Variants in MYT1L observed in about 807,000 individuals in gnomAD.
MYT1L encodes myelin transcription factor 1-like protein.
A neutral mutation model predicts 126.7 loss-of-function variants in MYT1L; 12 were observed. The ratio of observed to expected loss-of-function variants is 0.09; its 90% CI spans 0.06 to 0.15. The LOEUF (loss-of-function observed/expected upper bound fraction) is 0.15, where lower values mean the gene tolerates loss of function less well. MYT1L is among the 10% of genes least tolerant of loss of function. The pLI is 1.00. For missense variants in MYT1L, 979 were observed against 1,585.2 expected, an observed-to-expected ratio of 0.62 and a Z score of 6.49; for synonymous variants, 541 against 604.2, an observed-to-expected ratio of 0.90 and a Z score of 1.53.
At chr2:2,264,486 T>C (rs2095069413) in intron 2 of MYT1L, among the ~76,000 whole-genome samples, 1 of 151,502 alleles carries the variant, frequency 6.6e-6, no homozygotes, top group South Asian at 2.1e-4. Context: ...AGTTAAAAAA[T>C]AGGTCATAGT....
At chr2:1,818,632 G>A (rs995501008) in intron 21 of MYT1L, among the ~76,000 whole-genome samples, 2 of 152,040 alleles carry the variant, frequency 1.3e-5, no homozygotes, top group East Asian at 1.9e-4. Context: ...CATTTGCCCC[G>A]GTCGCCACGA....
intron 5 of MYT1L, among the ~76,000 whole-genome samples, chr2:1,996,121 A>G (rs112646338): frequency 6.6e-6 from 1 of 152,200 alleles, no homozygotes. Context: ...TGACCACATA[A>G]GGAAGTGGTT....
chr2:2,131,334 T>C (rs1458753332), intron 3 of MYT1L, among the ~76,000 whole-genome samples: 1 of 152,196 alleles, frequency 6.6e-6, no homozygotes, highest in Non-Finnish European at 1.5e-5. Context: ...ACAACAGTTA[T>C]GGCAAAATTA....
chr2:2,261,320 C>T (rs556346601), intron 2 of MYT1L, among the ~76,000 whole-genome samples: 27 of 152,230 alleles, frequency 1.8e-4, no homozygotes, highest in African/African-American at 6.3e-4. Flanking sequence ...TGTTCAGTTG[C>T]ATTATAAATC....
At chr2:2,213,316 A>G (rs2093586073) in intron 2 of MYT1L, among the ~76,000 whole-genome samples, 3 of 152,204 alleles carry the variant, frequency 2.0e-5, no homozygotes, top group Admixed American at 6.5e-5. Flanking sequence ...CAGTGAGTTG[A>G]GGAGACAGAG....
chr2:2,291,449 A>T (rs991965079), intron 1 of MYT1L, among the ~76,000 whole-genome samples: 4 of 152,202 alleles, frequency 2.6e-5, no homozygotes, highest in Non-Finnish European at 4.4e-5. Context: ...CTCCTCGCGG[A>T]AATGGAAGAG....
At chr2:2,022,967 A>T (rs148486714) in intron 4 of MYT1L, among the ~76,000 whole-genome samples, 2 of 152,270 alleles carry the variant, frequency 1.3e-5, no homozygotes, top group African/African-American at 4.8e-5. Context: ...ACTCACCTAC[A>T]TGGCCCAGGA....
chr2:1,979,856 G>T lies in MYT1L; in HGVS notation c.1-79C>A. 7.0e-7 allele frequency: 1 copy of T among 1,430,298 alleles called. No individual in the cohort carries two copies. Among genetic ancestry groups the T allele is most frequent in the Admixed American group, 1.7e-5 (1 of 57,974 alleles). The allele number at this position is 1,430,298 out of a possible 1,614,324, so 88.6% of individuals were successfully genotyped here. ...CCTGCAGGGGCGGCTCACTCTCCCT[G>T]GCATTCTATTAATGGGGCTTTAATC... On this transcript the variant is annotated intron_variant, in intron 5 of 24. Coordinates refer to ENST00000647738, the MANE Select transcript of MYT1L (RefSeq NM_001303052.2). The surrounding 1 kb of genome is among the most constrained non-coding windows in gnomAD (Gnocchi z 4.0).
intron 5 of MYT1L, among the ~76,000 whole-genome samples, chr2:1,993,821 G>T (rs2061618641): frequency 1.3e-5 from 2 of 152,152 alleles, no homozygotes; most frequent in South Asian, 4.1e-4. Flanking sequence ...CTTGGCTTTG[G>T]TTGAGTAAAG....
rs556091401 is a variant in MYT1L, at chr2:2,229,873, C to T, written c.-421+54531G>A. Among the ~76,000 whole-genome samples, 4 of 152,280 alleles carry T rather than the reference C, an allele frequency of 2.6e-5. No homozygotes were observed. In the East Asian group the frequency reaches 5.8e-4, roughly 22 times the overall value. On this transcript the variant is annotated intron_variant, in intron 2 of 24. Coordinates refer to ENST00000647738, the MANE Select transcript of MYT1L (RefSeq NM_001303052.2). ...TCTGCCTCCCAAGTCTTTGTCCTCTCCACCGAAACAGAAAACCACATTTAC... is the reference window on the plus strand; with the variant it reads ...TCTGCCTCCCAAGTCTTTGTCCTCTTCACCGAAACAGAAAACCACATTTAC...
chr2:2,218,194 C>A (rs775073435), intron 2 of MYT1L, among the ~76,000 whole-genome samples: 1 of 152,178 alleles, frequency 6.6e-6, no homozygotes, highest in Non-Finnish European at 1.5e-5. Flanking sequence ...GCTCTATGAA[C>A]TTGTCATTTC....
At chr2:1,961,834 T>G (rs918019005) in intron 8 of MYT1L, among the ~76,000 whole-genome samples, 2 of 152,168 alleles carry the variant, frequency 1.3e-5, no homozygotes, top group Non-Finnish European at 2.9e-5. Context: ...TAAAGGAAGC[T>G]GAGTAATGGG....
chr2:2,307,743 TTCAGTACTC>T, intron 1 of MYT1L, among the ~76,000 whole-genome samples: 1 of 149,990 alleles, frequency 6.7e-6, no homozygotes, highest in Middle Eastern at 3.5e-3. Flanking sequence ...TTACCTACAC[TTCAGTACTC>T]TCTCTATATT....
chr2:2,328,110 AAAT>A (rs1379171009), intron 1 of MYT1L, among the ~76,000 whole-genome samples: 1 of 152,214 alleles, frequency 6.6e-6, no homozygotes, highest in Non-Finnish European at 1.5e-5. Flanking sequence ...GCAGCTGAAC[AAAT>A]AATCAGATTA....
At chr2:1,969,807 G>C (rs2059672194) in intron 8 of MYT1L, among the ~76,000 whole-genome samples, 1 of 152,192 alleles carries the variant, frequency 6.6e-6, no homozygotes, top group East Asian at 1.9e-4. Context: ...CAACAGAGGT[G>C]AACACAGCAG....
intron 2 of MYT1L, among the ~76,000 whole-genome samples, chr2:2,190,934 C>T (rs539883925): frequency 1.3e-5 from 2 of 152,260 alleles, no homozygotes; most frequent in South Asian, 4.2e-4. Context: ...TACAGGCATG[C>T]ACCACCACAC....
chr2:1,978,729 C>T (rs894842654), intron 8 of MYT1L, among the ~76,000 whole-genome samples: 1 of 152,120 alleles, frequency 6.6e-6, no homozygotes, highest in African/African-American at 2.4e-5. Context: ...CAGGATGAAC[C>T]CCGTTAAATG....
chr2:2,231,567 C>A (rs1215976838), intron 2 of MYT1L, among the ~76,000 whole-genome samples: 1 of 152,130 alleles, frequency 6.6e-6, no homozygotes, highest in African/African-American at 2.4e-5. Context: ...CCCACCTCAG[C>A]CTCCCGAGTA....
At chr2:2,005,247 C>CGTTCTTTCCTGCATGG (rs938956082) in intron 4 of MYT1L, among the ~76,000 whole-genome samples, 4 of 147,824 alleles carry the variant, frequency 2.7e-5, no homozygotes, top group South Asian at 2.2e-4. Context: ...CTCCTGCAGG[C>CGTTCTTTCCTGCATGG]GTTCTTTCCT....
Sources: gnomAD v4.1 joint callset for allele counts (sites outside exome capture counted in the v4.1 genomes callset) on GRCh38, gnomAD v4.1.1 for gene constraint, Gnocchi (gnomAD v3.1) non-coding constraint, MANE v1.5 for transcripts, NCBI Gene and HGNC (gene_info 2026-07-23, HGNC 2026-07-21) for gene names.